Variants in AGPAT5 observed in about 807,000 individuals in gnomAD.
AGPAT5 encodes 1-acyl-sn-glycerol-3-phosphate acyltransferase epsilon.
Under a neutral mutation model 45.6 loss-of-function variants are expected in AGPAT5, and 46 were observed. The observed-to-expected ratio is 1.01, with a 90% CI of 0.80 to 1.29. AGPAT5 has a LOEUF of 1.29. Among genes scored for constraint, AGPAT5 ranks in the 50% most tolerant of loss-of-function variants. AGPAT5 has a pLI of 0.00. For missense variants in AGPAT5, 673 were observed against 450.7 expected (o/e 1.49, Z -4.47); for synonymous variants, 272 against 167.0 (o/e 1.63, Z -4.85).
intron 1 of AGPAT5, among the ~76,000 whole-genome samples, chr8:6,717,885 A>G (rs1028326590): frequency 6.6e-6 from 1 of 152,178 alleles, no homozygotes; most frequent in Non-Finnish European, 1.5e-5. Flanking sequence ...GACATTTTTT[A>G]TTTGGAATTT....
chr8:6,723,773 T>A (rs1800588169), intron 1 of AGPAT5, among the ~76,000 whole-genome samples: 1 of 152,250 alleles, frequency 6.6e-6, no homozygotes, highest in African/African-American at 2.4e-5. Flanking sequence ...GTCACATCCC[T>A]GGCTTCCAGA....
At chr8:6,726,127 G>C (rs915023330) in intron 2 of AGPAT5, among the ~76,000 whole-genome samples, 14 of 152,084 alleles carry the variant, frequency 9.2e-5, no homozygotes, top group African/African-American at 3.1e-4. Context: ...TTTCACTCTT[G>C]GCAAAAATAG....
chr8:6,719,172 G>C (rs1230193770), intron 1 of AGPAT5, among the ~76,000 whole-genome samples: 1 of 152,220 alleles, frequency 6.6e-6, no homozygotes, highest in African/African-American at 2.4e-5. Flanking sequence ...TGGAAAGCAA[G>C]TTTAGAACAT....
chr8:6,726,878 G>A (rs1010855877), intron 2 of AGPAT5, among the ~76,000 whole-genome samples: 2 of 152,180 alleles, frequency 1.3e-5, no homozygotes, highest in African/African-American at 4.8e-5. Context: ...TGTAAGTTGA[G>A]AAAATACTAG....
intron 4 of AGPAT5, among the ~76,000 whole-genome samples, chr8:6,736,133 T>G (rs1801046237): frequency 6.6e-6 from 1 of 152,238 alleles, no homozygotes. Flanking sequence ...ATTATAGGTG[T>G]GAGCCACCAC....
chr8:6,737,945 G>A (rs916095895), intron 4 of AGPAT5, among the ~76,000 whole-genome samples: 1 of 152,314 alleles, frequency 6.6e-6, no homozygotes, highest in South Asian at 2.1e-4. Context: ...GAGAATTAAA[G>A]GGAGTTAGGG....
At chr8:6,729,436 C>G (rs1361111743) in intron 2 of AGPAT5, among the ~76,000 whole-genome samples, 1 of 146,914 alleles carries the variant, frequency 6.8e-6, no homozygotes. Context: ...TAGAATTATT[C>G]TTTTCACAGA....
chr8:6,728,348 C>G (rs1800756324), intron 2 of AGPAT5, among the ~76,000 whole-genome samples: 1 of 152,188 alleles, frequency 6.6e-6, no homozygotes, highest in East Asian at 1.9e-4. Context: ...ATCTGATGTC[C>G]TATCTGAAAG....
intron 1 of AGPAT5, among the ~76,000 whole-genome samples, chr8:6,711,225 G>C (rs578083601): frequency 6.6e-6 from 1 of 152,228 alleles, no homozygotes; most frequent in Non-Finnish European, 1.5e-5. Flanking sequence ...GTAGGTCCAT[G>C]AGATTTATGA....
chr8:6,715,070 G>A (rs139444564), intron 1 of AGPAT5, among the ~76,000 whole-genome samples: 224 of 152,236 alleles, frequency 1.5e-3, no homozygotes, highest in African/African-American at 5.2e-3. Context: ...CAATATTCCC[G>A]TGTGTACATT....
At chr8:6,734,164 A>T (rs1381039450) in intron 4 of AGPAT5, among the ~76,000 whole-genome samples, 2 of 151,992 alleles carry the variant, frequency 1.3e-5, no homozygotes, top group African/African-American at 4.8e-5. Flanking sequence ...CTTAAATATT[A>T]TTCCTACCCC....
chr8:6,744,354 C>T (rs1368345696), intron 5 of AGPAT5, among the ~76,000 whole-genome samples: 1 of 152,226 alleles, frequency 6.6e-6, no homozygotes, highest in Non-Finnish European at 1.5e-5. Flanking sequence ...CACTCTCGCT[C>T]TTAAGAAGGT....
chr8:6,746,922 G>T (rs1801489563), intron 5 of AGPAT5, among the ~76,000 whole-genome samples: 1 of 152,174 alleles, frequency 6.6e-6, no homozygotes, highest in African/African-American at 2.4e-5. Context: ...ACCCTAGTAG[G>T]AACCTAATGA....
At chr8:6,747,986 G>A (rs138725117) in intron 6 of AGPAT5, among the ~76,000 whole-genome samples, 158 bp downstream of exon 6, 47 of 152,298 alleles carry the variant, frequency 3.1e-4, no homozygotes, top group African/African-American at 1.1e-3. Context: ...TAACAGTGGA[G>A]ATTTCATTAG....
In AGPAT5 at chr8:6,730,487, C is replaced by T. The variant is rs535848780; in HGVS notation, c.290-224C>T. ...CTGGGACTACAGGCGCCCGCCACCT[C>T]GCCCGGCTAATTTTTTGTATTTTTA... On this transcript the variant is annotated intron_variant, in intron 2 of 7. Transcript: ENST00000285518. Among the ~76,000 whole-genome samples the T allele has an allele frequency of 6.2e-3, 308 of 49,576 alleles. 113 individuals carry two copies. Among genetic ancestry groups the T allele is most frequent in the Non-Finnish European group, 8.0e-3 (255 of 31,852 alleles). 32.5% of individuals were successfully genotyped at this position (49,576 alleles called of 152,430 possible). A position where few individuals can be genotyped will look rare whatever the true frequency, so the allele number is the denominator to read the frequency against.
intron 2 of AGPAT5, among the ~76,000 whole-genome samples, chr8:6,727,005 C>G (rs1229766076): frequency 6.6e-6 from 1 of 152,144 alleles, no homozygotes; most frequent in Non-Finnish European, 1.5e-5. Flanking sequence ...TCAGAGACCC[C>G]TAAAGCCTAT....
chr8:6,733,265 A>G (rs1800932933), intron 4 of AGPAT5, among the ~76,000 whole-genome samples: 1 of 152,160 alleles, frequency 6.6e-6, no homozygotes, highest in Non-Finnish European at 1.5e-5. Flanking sequence ...CTTTCAGTAC[A>G]TGACATGTGC....
intron 1 of AGPAT5, among the ~76,000 whole-genome samples, chr8:6,717,023 C>T (rs990816955): frequency 3.3e-5 from 5 of 152,074 alleles, no homozygotes; most frequent in African/African-American, 4.8e-5. Context: ...TCATTCTTTC[C>T]TTAAATAGAT....
intron 7 of AGPAT5, 115 bp from the exon 8 acceptor site, chr8:6,757,048 T>G: frequency 1.4e-6 from 1 of 728,952 alleles, no homozygotes. Context: ...GTATTCATCC[T>G]TATTTTCCAG....
Sources: gnomAD v4.1 joint callset for allele counts (sites outside exome capture counted in the v4.1 genomes callset) on GRCh38, gnomAD v4.1.1 for gene constraint, MANE v1.5 for transcripts, NCBI Gene and HGNC (gene_info 2026-07-23, HGNC 2026-07-21) for gene names.